UNC5D: variants seen among roughly 807,000 people sequenced by gnomAD.
UNC5D encodes netrin receptor UNC5D.
UNC5D carries 39 observed loss-of-function variants against 105.4 expected under a neutral mutation model. The ratio of observed to expected loss-of-function variants is 0.37; its 90% CI spans 0.29 to 0.48. The LOEUF (loss-of-function observed/expected upper bound fraction) is 0.48. UNC5D is among the 20% of genes least tolerant of loss of function. The pLI, the probability that UNC5D is intolerant of heterozygous loss-of-function variation, is 0.98. For missense variants in UNC5D, 991 were observed against 1,202.4 expected (o/e 0.82, Z 2.60); for synonymous variants, 452 against 450.4 (o/e 1.00, Z -0.04).
At chr8:35,442,936 AAC>A (rs1554531959) in intron 1 of UNC5D, among the ~76,000 whole-genome samples, 1 of 135,190 alleles carries the variant, frequency 7.4e-6, no homozygotes, top group African/African-American at 2.9e-5. Context: ...ACACACACAC[AAC>A]ACACACACAC....
intron 1 of UNC5D, among the ~76,000 whole-genome samples, chr8:35,438,460 T>G (rs1268067044): frequency 6.6e-6 from 1 of 152,040 alleles, no homozygotes; most frequent in Admixed American, 6.6e-5. Flanking sequence ...TGGGGCACTA[T>G]TAGTAATCAT....
At chr8:35,469,512 G>A (rs1809557486) in intron 1 of UNC5D, among the ~76,000 whole-genome samples, 2 of 152,164 alleles carry the variant, frequency 1.3e-5, no homozygotes. Context: ...TGTGGGGAAA[G>A]GGACCGTATA....
At position 35,356,103 on chromosome 8, in the gene UNC5D, C is replaced by T. The variant is rs140222926; in HGVS notation, c.103+120216C>T. On this transcript the variant is annotated intron_variant, in intron 1 of 16. Transcript: ENST00000404895. ...CCGGTTATCTTTTCTTTATAAATTA[C>T]CCAGTCCTGGGTATTTTGTTATAGT... is the stretch of plus-strand genomic sequence containing the variant. Among the ~76,000 whole-genome samples the T allele has an allele frequency of 4.6e-5, 7 of 152,220 alleles. No individual in the cohort carries two copies. The East Asian group carries it at 1.4e-3, about 29-fold the overall frequency.
At chr8:35,426,298 G>A (rs1005432543) in intron 1 of UNC5D, among the ~76,000 whole-genome samples, 5 of 152,026 alleles carry the variant, frequency 3.3e-5, no homozygotes, top group African/African-American at 1.2e-4. Context: ...GGAATTCATA[G>A]ACTATTCCTT....
intron 11 of UNC5D, among the ~76,000 whole-genome samples, chr8:35,746,407 C>T (rs1438256168): frequency 1.3e-5 from 2 of 152,132 alleles, no homozygotes; most frequent in African/African-American, 4.8e-5. Flanking sequence ...TTCCGGTGAA[C>T]TTCTGGTGAA....
chr8:35,377,058 A>AT (rs1802741071), intron 1 of UNC5D, among the ~76,000 whole-genome samples: 1 of 152,126 alleles, frequency 6.6e-6, no homozygotes, highest in Non-Finnish European at 1.5e-5. Flanking sequence ...CTTCAGTTGG[A>AT]TATGAGGCTT....
chr8:35,681,331 G>A (rs551101035), intron 4 of UNC5D, among the ~76,000 whole-genome samples: 2 of 152,222 alleles, frequency 1.3e-5, no homozygotes, highest in South Asian at 2.1e-4. Context: ...TGAGAATGTG[G>A]ATTTACTTAT....
At chr8:35,452,111 C>A (rs1808191377) in intron 1 of UNC5D, among the ~76,000 whole-genome samples, 1 of 152,100 alleles carries the variant, frequency 6.6e-6, no homozygotes, top group African/African-American at 2.4e-5. Flanking sequence ...GTTCCTGGCA[C>A]ACAGTAACCA....
chr8:35,266,307 C>T (rs1216825871), intron 1 of UNC5D, among the ~76,000 whole-genome samples: 1 of 152,178 alleles, frequency 6.6e-6, no homozygotes, highest in Non-Finnish European at 1.5e-5. Context: ...AACATTATAG[C>T]ATTCAATTGA....
chr8:35,480,275 G>A (rs898441731), intron 1 of UNC5D, among the ~76,000 whole-genome samples: 1 of 152,130 alleles, frequency 6.6e-6, no homozygotes, highest in Non-Finnish European at 1.5e-5. Flanking sequence ...AGTAATATAT[G>A]TATTGCCACT....
intron 4 of UNC5D, among the ~76,000 whole-genome samples, chr8:35,638,878 A>G (rs569940283): frequency 2.6e-5 from 4 of 152,180 alleles, no homozygotes; most frequent in African/African-American, 2.4e-5. Flanking sequence ...GAACTAAAAT[A>G]AACTCTTTAT....
At chr8:35,451,053 T>C (rs1218343457) in intron 1 of UNC5D, among the ~76,000 whole-genome samples, 4 of 151,214 alleles carry the variant, frequency 2.6e-5, no homozygotes, top group East Asian at 3.9e-4. Flanking sequence ...TTTTTTTTTT[T>C]TTTTTTTGAG....
chr8:35,365,464 T>G (rs561795861), intron 1 of UNC5D, among the ~76,000 whole-genome samples: 1 of 151,926 alleles, frequency 6.6e-6, no homozygotes, highest in South Asian at 2.1e-4. Flanking sequence ...AAGAACAGTT[T>G]TAAGAAAAGA....
At chr8:35,335,422 AT>A (rs2128896687) in intron 1 of UNC5D, among the ~76,000 whole-genome samples, 1 of 152,286 alleles carries the variant, frequency 6.6e-6, no homozygotes, top group Non-Finnish European at 1.5e-5. Flanking sequence ...AAAAGCACAC[AT>A]TTTTTAGAAG....
At chr8:35,718,265 G>C (rs972715562) in intron 8 of UNC5D, among the ~76,000 whole-genome samples, 3 of 152,176 alleles carry the variant, frequency 2.0e-5, no homozygotes, top group Admixed American at 6.5e-5. Context: ...CTTCGTTTAT[G>C]AAACAGAAAA....
intron 4 of UNC5D, among the ~76,000 whole-genome samples, chr8:35,646,456 G>C (rs1823055421): frequency 6.6e-6 from 1 of 151,930 alleles, no homozygotes; most frequent in Non-Finnish European, 1.5e-5. Flanking sequence ...TCTTTAGTTT[G>C]GATATCATTA....
chr8:35,565,842 GT>G (rs1296695802), intron 2 of UNC5D, among the ~76,000 whole-genome samples: 1 of 152,144 alleles, frequency 6.6e-6, no homozygotes, highest in Non-Finnish European at 1.5e-5. Flanking sequence ...CCCAGTATAT[GT>G]TTTTGTCTGC....
intron 1 of UNC5D, among the ~76,000 whole-genome samples, chr8:35,532,238 C>G (rs1044947812): frequency 6.6e-6 from 1 of 150,412 alleles, no homozygotes; most frequent in Non-Finnish European, 1.5e-5. Context: ...TTAGGGCAGG[C>G]CTGGTGGTGA....
chr8:35,264,525 C>T (rs1007419917), intron 1 of UNC5D, among the ~76,000 whole-genome samples: 20 of 151,968 alleles, frequency 1.3e-4, no homozygotes, highest in Non-Finnish European at 2.5e-4. Context: ...GCCAGGAGTT[C>T]GAGACCAACC....
Sources: allele counts gnomAD v4.1 joint callset (sites outside exome capture counted in the v4.1 genomes callset), GRCh38; gene constraint gnomAD v4.1.1; transcripts MANE v1.5; gene names NCBI Gene and HGNC (gene_info 2026-07-23, HGNC 2026-07-21).